Variants in UTRN observed in about 807,000 individuals in gnomAD.
UTRN encodes the protein dystrophin-related protein 1.
Under a neutral mutation model 463.9 loss-of-function variants are expected in UTRN, and 283 were observed. The ratio of observed to expected loss-of-function variants is 0.61; its 90% CI spans 0.55 to 0.67. The LOEUF is 0.67. UTRN is among the 30% of genes least tolerant of loss of function. UTRN has a pLI of 0.00. For synonymous variants in UTRN, 1,442 were observed against 1,431.5 expected, an observed-to-expected ratio of 1.01 and a Z score of -0.17; for missense variants, 3,922 against 4,084.3, an observed-to-expected ratio of 0.96 and a Z score of 1.08.
chr6:144,454,244 G>T (rs1295622446), intron 19 of UTRN, among the ~76,000 whole-genome samples: 5 of 152,118 alleles, frequency 3.3e-5, no homozygotes, highest in Non-Finnish European at 7.4e-5. Context: ...GGGAAACGAA[G>T]TTACGTTAAA....
chr6:144,437,453 C>A, intron 10 of UTRN, 112 bp from the exon 11 acceptor site: 3 of 1,079,776 alleles, frequency 2.8e-6, no homozygotes, highest in Non-Finnish European at 3.8e-6. Flanking sequence ...CTCTACTAGG[C>A]TACCTTTTTC....
intron 2 of UTRN, among the ~76,000 whole-genome samples, chr6:144,360,304 C>G (rs1778967152): frequency 6.6e-6 from 1 of 151,934 alleles, no homozygotes; most frequent in African/African-American, 2.4e-5. Context: ...TCCCGAGTAG[C>G]TGGGATTACA....
chr6:144,463,549 G>A (rs527694550), intron 23 of UTRN, among the ~76,000 whole-genome samples: 1 of 151,770 alleles, frequency 6.6e-6, no homozygotes, highest in African/African-American at 2.4e-5. Flanking sequence ...AGTTCTGGGT[G>A]GAGAATGAAC....
chr6:144,433,141 C>G (rs370673768), intron 9 of UTRN, among the ~76,000 whole-genome samples: 2 of 152,140 alleles, frequency 1.3e-5, no homozygotes, highest in African/African-American at 4.8e-5. Flanking sequence ...CACCTTTCCC[C>G]CCTTTCTATT....
chr6:144,559,367 A>G (rs957588185), intron 50 of UTRN, among the ~76,000 whole-genome samples: 1 of 152,148 alleles, frequency 6.6e-6, no homozygotes, highest in Non-Finnish European at 1.5e-5. Context: ...ATTGTTATCT[A>G]TAAAACAGGG....
chr6:144,350,109 T>G (rs182693397), intron 2 of UTRN, among the ~76,000 whole-genome samples: 116 of 152,294 alleles, frequency 7.6e-4, no homozygotes, highest in Non-Finnish European at 1.5e-5. Context: ...ACTTAGATTG[T>G]GAGCTGGGCA....
chr6:144,346,871 G>GTAT (rs1777616583), intron 2 of UTRN, among the ~76,000 whole-genome samples: 1 of 135,100 alleles, frequency 7.4e-6, no homozygotes, highest in African/African-American at 3.7e-5. Flanking sequence ...GTCTATCTAT[G>GTAT]TATCATCTAT....
intron 2 of UTRN, among the ~76,000 whole-genome samples, chr6:144,348,968 G>A (rs1472253308): frequency 2.0e-5 from 3 of 151,870 alleles, no homozygotes; most frequent in Admixed American, 6.6e-5. Context: ...AAGAATCTTG[G>A]GTGGAGAAAA....
At chr6:144,758,010 CT>C in intron 58 of UTRN, 21 bp downstream of exon 58, 2 of 1,584,330 alleles carry the variant, frequency 1.3e-6, no homozygotes, top group Non-Finnish European at 1.7e-6. Flanking sequence ...TTTAATTCTC[CT>C]TTATGATACC....
At chr6:144,759,565 T>A (rs553835807) in intron 58 of UTRN, among the ~76,000 whole-genome samples, 1 of 152,124 alleles carries the variant, frequency 6.6e-6, no homozygotes, top group Non-Finnish European at 1.5e-5. Flanking sequence ...AGAATTAAGG[T>A]CGTAAATGGA....
intron 27 of UTRN, among the ~76,000 whole-genome samples, chr6:144,483,507 A>G (rs138959377): frequency 1.3e-5 from 2 of 152,274 alleles, no homozygotes; most frequent in African/African-American, 4.8e-5. Flanking sequence ...CAGTGGTATG[A>G]TCACAGCTCA....
intron 46 of UTRN, among the ~76,000 whole-genome samples, chr6:144,548,042 CT>C (rs1223596422): frequency 6.6e-6 from 1 of 151,896 alleles, no homozygotes; most frequent in Admixed American, 6.6e-5. Context: ...TAAATACATA[CT>C]TTTTTTTGTA....
chr6:144,507,736 A>C (rs1794806318), intron 34 of UTRN, among the ~76,000 whole-genome samples: 1 of 152,188 alleles, frequency 6.6e-6, no homozygotes, highest in African/African-American at 2.4e-5. Context: ...CAGGAGGCAC[A>C]GGGGTCAGGG....
chr6:144,587,947 A>T (rs1802628497), intron 51 of UTRN, among the ~76,000 whole-genome samples: 1 of 152,148 alleles, frequency 6.6e-6, no homozygotes, highest in South Asian at 2.1e-4. Context: ...TTAGATTAGT[A>T]CAGAAACTGT....
intron 2 of UTRN, among the ~76,000 whole-genome samples, chr6:144,352,425 A>G (rs1778186603): frequency 6.6e-6 from 1 of 152,322 alleles, no homozygotes; most frequent in South Asian, 2.1e-4. Context: ...TGCATTAAAA[A>G]TTTCATAGTG....
rs189374972 is a variant in UTRN at position 144,401,141 on chromosome 6, G to A, written c.80-1982G>A. 3.9e-5 allele frequency among the ~76,000 whole-genome samples: 6 copies of A among 152,234 alleles called. No individual in the cohort carries two copies. The East Asian group carries it at 1.2e-3, about 29-fold the overall frequency. On this transcript the variant is annotated intron_variant, in intron 2 of 74. Transcript: ENST00000367545. Reference sequence around the variant, plus strand: ...TTATGGCCCCAAATTCTTAAGTTGTGTGAATGTTATCAAATTAAGATAATT... The same window carrying A: ...TTATGGCCCCAAATTCTTAAGTTGTATGAATGTTATCAAATTAAGATAATT...
At chr6:144,748,151 C>A (rs7756909) in intron 54 of UTRN, 95 bp from the exon 55 acceptor site, 3 of 1,426,126 alleles carry the variant, frequency 2.1e-6, no homozygotes, top group Non-Finnish European at 1.8e-6. Context: ...ACTTTTTCTC[C>A]GTATTTCTCA....
chr6:144,647,489 A>G (rs1778411357), intron 51 of UTRN, among the ~76,000 whole-genome samples: 1 of 152,266 alleles, frequency 6.6e-6, no homozygotes, highest in African/African-American at 2.4e-5. Context: ...AGAAGTCTTC[A>G]TAAACTGTTT....
Position 144,557,071 on chromosome 6 carries a change from C to T in UTRN, c.7135-86C>T, listed in dbSNP as rs147572190. 6 of 1,488,250 alleles carry T rather than the reference C, an allele frequency of 4.0e-6. No homozygotes were observed. The East Asian group carries it at 1.4e-4, about 35-fold the overall frequency. 92.2% of individuals were successfully genotyped at this position (1,488,250 alleles called of 1,614,324 possible). A position where few individuals can be genotyped will look rare whatever the true frequency, so the allele number is the denominator to read the frequency against. ...TGTGATATCTGTATCTAAAGCATGT[C>T]AAAATCTGCTGGGAGTACCATTGTT... is the stretch of plus-strand genomic sequence containing the variant. On this transcript the variant is annotated intron_variant, in intron 49 of 74. Transcript: ENST00000367545.
Sources: allele counts gnomAD v4.1 joint callset (sites outside exome capture counted in the v4.1 genomes callset), GRCh38; gene constraint gnomAD v4.1.1; transcripts MANE v1.5; gene names NCBI Gene and HGNC (gene_info 2026-07-23, HGNC 2026-07-21).